Variants in DIAPH2 observed in about 807,000 individuals in gnomAD.
DIAPH2 encodes protein diaphanous homolog 2.
A neutral mutation model predicts 92.7 loss-of-function variants in DIAPH2; 35 were observed. That is an observed-to-expected ratio of 0.38 (90% CI 0.29 to 0.50). DIAPH2 has a LOEUF of 0.50. Ranked by LOEUF, DIAPH2 falls within the 20% of genes least tolerant of loss-of-function variation. The probability of loss-of-function intolerance (pLI) is 0.94; values close to 1 mark genes in which losing one functional copy is unlikely to be tolerated. For missense variants in DIAPH2, 701 were observed against 819.5 expected, an observed-to-expected ratio of 0.86 and a Z score of 1.77; for synonymous variants, 301 against 280.4, an observed-to-expected ratio of 1.07 and a Z score of -0.73.
rs184520688 is a variant in DIAPH2 at position 96,785,575 on chromosome X, G to A, written c.447+27317G>A. ...CTGCGCTCGCCTCCTGGGTTCAAGC[G>A]ATTCTCCTGCCTCAGCCTCCTGAGT... On this transcript the variant is annotated intron_variant, in intron 4 of 26. Coordinates refer to ENST00000324765, the MANE Select transcript of DIAPH2 (RefSeq NM_006729.5). Among the ~76,000 whole-genome samples, 235 of 97,618 alleles carry A rather than the reference G, an allele frequency of 2.4e-3. 2 individuals are homozygous for A. The highest frequency in any genetic ancestry group is 8.8e-3 in the African/African-American group (230 of 26,121). The allele number at this position is 97,618 out of a possible 115,157, so 84.8% of individuals were successfully genotyped here. A position where few individuals can be genotyped will look rare whatever the true frequency, so the allele number is the denominator to read the frequency against.
intron 22 of DIAPH2, among the ~76,000 whole-genome samples, chrX:97,194,476 G>T (rs1386666990): frequency 9.1e-6 from 1 of 109,570 alleles, no homozygotes; most frequent in Non-Finnish European, 1.9e-5. Flanking sequence ...AGTAGAGACG[G>T]GGTTTCACTG....
chrX:97,080,428 A>G (rs1332932661), intron 19 of DIAPH2, among the ~76,000 whole-genome samples: 1 of 110,031 alleles, frequency 9.1e-6, no homozygotes, highest in Non-Finnish European at 1.9e-5. Flanking sequence ...TCTACGATGC[A>G]TACATGGGAC....
At chrX:97,210,755 A>G (rs991301544) in intron 22 of DIAPH2, among the ~76,000 whole-genome samples, 6 of 111,872 alleles carry the variant, frequency 5.4e-5, no homozygotes, top group African/African-American at 1.3e-4. Flanking sequence ...CTCTTGCCCT[A>G]TTCTCCACAG....
At chrX:96,879,557 G>C (rs779206648) in intron 4 of DIAPH2, among the ~76,000 whole-genome samples, 1 of 111,114 alleles carries the variant, frequency 9.0e-6, no homozygotes, top group Admixed American at 9.6e-5. Context: ...TGAGTTGGCC[G>C]AGCAAAAATA....
At chrX:97,164,845 A>G (rs894013493) in intron 22 of DIAPH2, among the ~76,000 whole-genome samples, 4 of 112,538 alleles carry the variant, frequency 3.6e-5, no homozygotes, top group Non-Finnish European at 7.5e-5. Flanking sequence ...TATACACCAC[A>G]AGGTTTGCCG....
intron 25 of DIAPH2, among the ~76,000 whole-genome samples, chrX:97,390,208 CTTTTTTTTTTTTT>C (rs142044871): frequency 1.9e-3 from 64 of 33,191 alleles, no homozygotes; most frequent in Non-Finnish European, 2.4e-3. Flanking sequence ...TGCTTTCTGT[CTTTTTTTTTTTTT>C]TTTTTTTTTT....
chrX:97,429,583 C>A, intron 25 of DIAPH2, 67 bp from the exon 26 acceptor site: 1 of 1,156,449 alleles, frequency 8.6e-7, no homozygotes, highest in South Asian at 2.1e-5. Flanking sequence ...AGGAGTTTTT[C>A]CCTTTATTTT....
intron 26 of DIAPH2, among the ~76,000 whole-genome samples, chrX:97,512,310 G>T (rs2070903107): frequency 8.8e-6 from 1 of 113,307 alleles, no homozygotes; most frequent in African/African-American, 3.2e-5. Context: ...GGTGTTTGTA[G>T]TATTCTCTGA....
chrX:96,721,408 C>T (rs2063987466), intron 1 of DIAPH2, among the ~76,000 whole-genome samples: 1 of 111,818 alleles, frequency 8.9e-6, no homozygotes, highest in Non-Finnish European at 1.9e-5. Flanking sequence ...CATGAGAGTG[C>T]ATTTGTTGCT....
intron 4 of DIAPH2, among the ~76,000 whole-genome samples, chrX:96,849,394 G>C (rs2064993180): frequency 9.0e-6 from 1 of 111,474 alleles, no homozygotes; most frequent in Non-Finnish European, 1.9e-5. Context: ...TTGAACTCTT[G>C]ACCTCAGGTG....
intron 23 of DIAPH2, among the ~76,000 whole-genome samples, chrX:97,275,328 C>T (rs868226678): frequency 0.37 from 1,703 of 4,553 alleles, 56 homozygotes; most frequent in African/African-American, 0.47. Flanking sequence ...GCTGTCCCCC[C>T]GCCCACCTCC....
At chrX:97,579,607 C>T (rs1269389070) in intron 26 of DIAPH2, among the ~76,000 whole-genome samples, 1 of 111,023 alleles carries the variant, frequency 9.0e-6, no homozygotes, top group Non-Finnish European at 1.9e-5. Context: ...AGTGTGTTGC[C>T]TCCAGCTTTG....
At chrX:96,863,905 T>C (rs763688013) in intron 4 of DIAPH2, among the ~76,000 whole-genome samples, 2 of 110,454 alleles carry the variant, frequency 1.8e-5, no homozygotes, top group Admixed American at 9.7e-5. Context: ...CTCTTAAAAA[T>C]ACAAAAAATT....
intron 11 of DIAPH2, among the ~76,000 whole-genome samples, chrX:96,937,957 ATTTG>A (rs2065668885): frequency 1.8e-5 from 2 of 111,482 alleles, no homozygotes; most frequent in Non-Finnish European, 3.8e-5. Flanking sequence ...ATTGCTGGCC[ATTTG>A]TTTCGCACCT....
intron 23 of DIAPH2, among the ~76,000 whole-genome samples, chrX:97,275,295 G>T (rs1468503837): frequency 1.2e-5 from 1 of 81,673 alleles, no homozygotes; most frequent in Admixed American, 1.3e-4. Context: ...TCCCTCCCGG[G>T]AGGGGCGGCT....
intron 26 of DIAPH2, among the ~76,000 whole-genome samples, chrX:97,576,466 T>C (rs777702988): frequency 1.8e-5 from 2 of 111,195 alleles, no homozygotes; most frequent in East Asian, 5.6e-4. Flanking sequence ...AATTTGAGAA[T>C]GAAGAAAGAA....
At chrX:97,103,636 G>A (rs1431856811) in intron 20 of DIAPH2, among the ~76,000 whole-genome samples, 3 of 111,347 alleles carry the variant, frequency 2.7e-5, no homozygotes, top group Non-Finnish European at 3.8e-5. Flanking sequence ...TGTTTTTCCC[G>A]CTACCACTTT....
At chrX:97,598,370 A>C (rs1034049928) in intron 26 of DIAPH2, among the ~76,000 whole-genome samples, 1 of 111,866 alleles carries the variant, frequency 8.9e-6, no homozygotes, top group Non-Finnish European at 1.9e-5. Flanking sequence ...AACGAGTGTA[A>C]AGTGTTAGCA....
At chrX:97,257,031 G>A (rs891188746) in intron 23 of DIAPH2, among the ~76,000 whole-genome samples, 7 of 110,158 alleles carry the variant, frequency 6.4e-5, no homozygotes, top group Non-Finnish European at 1.1e-4. Flanking sequence ...GAAAGTATAG[G>A]AAATCATTGT....
Sources: gnomAD v4.1 joint callset for allele counts (sites outside exome capture counted in the v4.1 genomes callset) on GRCh38, gnomAD v4.1.1 for gene constraint, MANE v1.5 for transcripts, NCBI Gene and HGNC (gene_info 2026-07-23, HGNC 2026-07-21) for gene names.